Variants in CACNA1C observed in about 807,000 individuals in gnomAD.
CACNA1C encodes voltage-dependent L-type calcium channel subunit alpha-1C.
Under a neutral mutation model 229.0 loss-of-function variants are expected in CACNA1C, and 30 were observed. That is an observed-to-expected ratio of 0.13 (90% CI 0.10 to 0.18). The LOEUF (loss-of-function observed/expected upper bound fraction) is 0.18, where lower values mean the gene tolerates loss of function less well. Among genes scored for constraint, CACNA1C ranks in the 10% least tolerant of loss-of-function variants. The probability of loss-of-function intolerance (pLI) is 1.00; values close to 1 mark genes in which losing one functional copy is unlikely to be tolerated. For synonymous variants in CACNA1C, 1,114 were observed against 1,132.5 expected (o/e 0.98, Z 0.33); for missense variants, 1,658 against 2,845.0 (o/e 0.58, Z 9.49).
At chr12:2,085,817 G>A (rs949741723) in intron 1 of CACNA1C, among the ~76,000 whole-genome samples, 1 of 152,134 alleles carries the variant, frequency 6.6e-6, no homozygotes, top group Non-Finnish European at 1.5e-5. Context: ...AATGATAGGT[G>A]GTCCTGCATC....
rs977992175 is a variant in CACNA1C, at chr12:2,163,327, A to C, written c.477+42897A>C. Among the ~76,000 whole-genome samples, 12 of 152,054 alleles carry C rather than the reference A, an allele frequency of 7.9e-5. 1 individual carries two copies. The highest frequency in any genetic ancestry group is 1.5e-5 in the Non-Finnish European group (1 of 68,024). On this transcript the variant is annotated intron_variant, in intron 3 of 46. Coordinates refer to ENST00000399655, the MANE Select transcript of CACNA1C (RefSeq NM_000719.7). Reference sequence around the variant, plus strand: ...TGACGTAGGCAGTATTCGTATTCTCACTTCAAAGATAAGGAAGCGGATGCT... The same window carrying C: ...TGACGTAGGCAGTATTCGTATTCTCCCTTCAAAGATAAGGAAGCGGATGCT...
rs750835088 is a variant in CACNA1C at position 2,115,263 on chromosome 12, T to C, written c.89T>C (p.Met30Thr). ...YGSPRPAHANMNANAAAGLAP... is the reference protein window; with the variant it reads ...YGSPRPAHANTNANAAAGLAP... ...AGCCCACGCCCCGCCCATGCCAACA[T>C]GAATGCCAATGCGGCAGCGGGGCTG... The change falls in exon 2 of 47, where the codon ATG becomes ACG. Residue 30 changes from methionine to threonine, a missense_variant. This residue lies in a region of CACNA1C where 111 missense variants were observed against 128.0 expected (regional missense o/e 0.87). Transcript: ENST00000399655. The C allele has an allele frequency of 6.3e-7, 1 of 1,591,928 alleles. No homozygotes were observed. The highest frequency in any genetic ancestry group is 2.3e-5 in the East Asian group (1 of 43,748).
chr12:2,342,152 C>T (rs2096883682), intron 3 of CACNA1C, among the ~76,000 whole-genome samples: 1 of 152,166 alleles, frequency 6.6e-6, no homozygotes, highest in African/African-American at 2.4e-5. Flanking sequence ...CCCTTGGCTC[C>T]CTTGAGCGGT....
At chr12:2,485,124 C>CTTTT (rs2099692914) in intron 5 of CACNA1C, among the ~76,000 whole-genome samples, 1 of 152,052 alleles carries the variant, frequency 6.6e-6, no homozygotes, top group Non-Finnish European at 1.5e-5. Context: ...AAAAAGTGAC[C>CTTTT]TGTGTAGTGC....
intron 34 of CACNA1C, 59 bp from the exon 35 acceptor site, chr12:2,664,766 G>A (rs1050783534): frequency 1.5e-5 from 22 of 1,422,406 alleles, no homozygotes; most frequent in Non-Finnish European, 2.0e-5. Flanking sequence ...GGGATGCAGA[G>A]GGCCCTCCTT....
In CACNA1C at chr12:2,584,582, G is replaced by C; in HGVS notation, c.2304G>C (p.Glu768Asp). ...AGAGCCTCACATCTGCCCAAAAGGA[G>C]GAGGAAGAGGAGAAGGAGAGAAAGA... ...DAESLTSAQK[E>D]EEEEKERKKL... is the part of the protein sequence containing the mutation. Residue 768 changes from glutamate to aspartate, a missense_variant, in exon 16 of 47, where the codon GAG becomes GAC. Glu to Asp is a conservative substitution (Grantham distance 45, BLOSUM62 2). Around this residue, in one of 20 missense-constraint regions of CACNA1C, gnomAD observed 121 missense variants for 128.8 expected, o/e 0.94. Transcript: ENST00000399655. The C allele has an allele frequency of 6.2e-7, 1 of 1,613,460 alleles. No individual in the cohort carries two copies. The highest frequency in any genetic ancestry group is 8.5e-7 in the Non-Finnish European group (1 of 1,179,568).
chr12:2,520,139 T>C (rs111936123), intron 9 of CACNA1C, among the ~76,000 whole-genome samples: 2 of 148,148 alleles, frequency 1.3e-5, no homozygotes, highest in Non-Finnish European at 3.0e-5. Flanking sequence ...GTGACAGTCT[T>C]CTCATTGACC....
intron 3 of CACNA1C, among the ~76,000 whole-genome samples, chr12:2,218,443 C>G (rs1282784176): frequency 6.6e-6 from 1 of 152,076 alleles, no homozygotes; most frequent in Admixed American, 6.5e-5. Flanking sequence ...GATATTTTTC[C>G]CTAAAGGCAG....
intron 3 of CACNA1C, among the ~76,000 whole-genome samples, chr12:2,295,013 C>T (rs1009055206): frequency 2.6e-5 from 4 of 152,202 alleles, no homozygotes; most frequent in Non-Finnish European, 4.4e-5. Flanking sequence ...AGCCCTCCTT[C>T]GTCTTCCCTC....
intron 28 of CACNA1C, among the ~76,000 whole-genome samples, chr12:2,610,938 G>T (rs2077355388): frequency 6.6e-6 from 1 of 152,144 alleles, no homozygotes; most frequent in Non-Finnish European, 1.5e-5. Context: ...AGGGAGGGTT[G>T]AGCTGAATGC....
rs564504187 is a variant in CACNA1C, at chr12:2,632,358, G to T, written c.3829-1939G>T. Among the ~76,000 whole-genome samples the T allele has an allele frequency of 1.8e-4, 27 of 151,998 alleles. No individual in the cohort carries two copies. The highest frequency in any genetic ancestry group is 6.3e-4 in the African/African-American group (26 of 41,430). ...GGAATATGATCGCCTGTAGCTGGGG[G>T]TGTATGCACCCATTCAGTCACAGAA... On this transcript the variant is annotated intron_variant, in intron 29 of 46. Transcript: ENST00000399655. This position sits in a 1 kb window ranked among gnomAD's most constrained non-coding sequence, Gnocchi z 4.1.
At chr12:2,659,627 C>T (rs1366296794) in intron 34 of CACNA1C, among the ~76,000 whole-genome samples, 1 of 151,970 alleles carries the variant, frequency 6.6e-6, no homozygotes, top group Non-Finnish European at 1.5e-5. Context: ...ATCTAAAAAG[C>T]TGTATATTAA....
intron 3 of CACNA1C, among the ~76,000 whole-genome samples, chr12:2,268,298 G>A (rs928490189): frequency 6.6e-6 from 1 of 152,134 alleles, no homozygotes; most frequent in Non-Finnish European, 1.5e-5. Context: ...CCAACTCACC[G>A]GCAGGATCCA....
Position 2,485,065 on chromosome 12 carries a change from C to T in CACNA1C, c.758-1039C>T, listed in dbSNP as rs147289501. Among the ~76,000 whole-genome samples, 109 of 152,114 alleles carry T rather than the reference C, an allele frequency of 7.2e-4. 1 individual carries two copies. The highest frequency in any genetic ancestry group is 2.0e-3 in the African/African-American group (81 of 41,506). On this transcript the variant is annotated intron_variant, in intron 5 of 46. Transcript: ENST00000399655. ...GCCTTAGTTTACCCAGGGGCAAGCG[C>T]GGTGGATGAATGTGAGGGTGAGATG...
At chr12:2,456,720 C>T (rs947225795) in intron 4 of CACNA1C, among the ~76,000 whole-genome samples, 2 of 152,168 alleles carry the variant, frequency 1.3e-5, no homozygotes, top group African/African-American at 2.4e-5. Flanking sequence ...GGAAGGAAGG[C>T]GGCCCTCACC....
intron 1 of CACNA1C, among the ~76,000 whole-genome samples, chr12:2,026,662 C>G (rs2047383495): frequency 6.6e-6 from 1 of 152,188 alleles, no homozygotes; most frequent in Non-Finnish European, 1.5e-5. Context: ...CTTTTTTACA[C>G]TGTGTACAAA....
intron 1 of CACNA1C, among the ~76,000 whole-genome samples, chr12:2,063,765 G>A (rs1353354493): frequency 6.6e-6 from 1 of 152,160 alleles, no homozygotes; most frequent in Admixed American, 6.5e-5. Flanking sequence ...GAAAGCACAC[G>A]CCACATTTTG....
intron 3 of CACNA1C, among the ~76,000 whole-genome samples, chr12:2,219,801 G>A (rs1253883744): frequency 6.6e-6 from 1 of 152,166 alleles, no homozygotes; most frequent in Non-Finnish European, 1.5e-5. Context: ...CAGAGGCCAG[G>A]TATCAGGAGA....
At chr12:2,489,772 T>A (rs1325029475) in intron 6 of CACNA1C, among the ~76,000 whole-genome samples, 1 of 152,242 alleles carries the variant, frequency 6.6e-6, no homozygotes, top group Non-Finnish European at 1.5e-5. Context: ...CGTTTCTAAC[T>A]CTCTCCTAAT....
Sources: allele counts gnomAD v4.1 joint callset (sites outside exome capture counted in the v4.1 genomes callset), GRCh38; gene constraint gnomAD v4.1.1; regional missense constraint gnomAD v4.1.1; non-coding constraint Gnocchi (gnomAD v3.1); transcripts MANE v1.5; gene names NCBI Gene and HGNC (gene_info 2026-07-23, HGNC 2026-07-21).